Variants in EMB observed in about 807,000 individuals in gnomAD.
EMB encodes the protein embigin homolog.
EMB carries 31 observed loss-of-function variants against 41.4 expected under a neutral mutation model. The observed-to-expected ratio is 0.75, with a 90% CI of 0.56 to 1.01. The LOEUF (loss-of-function observed/expected upper bound fraction) is 1.01, where lower values mean the gene tolerates loss of function less well. Among genes scored for constraint, EMB ranks in the 50% least tolerant of loss-of-function variants. The pLI is 0.00. For missense variants in EMB, 379 were observed against 388.3 expected, an observed-to-expected ratio of 0.98 and a Z score of 0.20; for synonymous variants, 137 against 140.4, an observed-to-expected ratio of 0.98 and a Z score of 0.17.
intron 1 of EMB, among the ~76,000 whole-genome samples, chr5:50,434,764 A>G (rs1431325982): frequency 2.6e-5 from 4 of 152,244 alleles, no homozygotes; most frequent in Non-Finnish European, 4.4e-5. Context: ...TTTAAAGGTA[A>G]CATTCATAAT....
intron 2 of EMB, among the ~76,000 whole-genome samples, chr5:50,416,986 C>T (rs1204623032): frequency 6.6e-6 from 1 of 152,166 alleles, no homozygotes; most frequent in East Asian, 1.9e-4. Flanking sequence ...AGCTGCTACT[C>T]TTGACACACT....
chr5:50,425,202 T>C (rs1745590134), intron 2 of EMB, among the ~76,000 whole-genome samples: 2 of 152,182 alleles, frequency 1.3e-5, no homozygotes, highest in African/African-American at 4.8e-5. Flanking sequence ...ATTTAGACAA[T>C]GTGGTTGTTT....
chr5:50,441,076 C>T lies in EMB; in HGVS notation c.76G>A (p.Ala26Thr). The change falls in exon 1 of 9, where the codon GCC becomes ACC. Residue 26 changes from alanine to threonine, a missense_variant. By Grantham distance (58) the Ala-to-Thr change is moderately conservative (BLOSUM62 0). Transcript: ENST00000303221. ...CCGTCCGCCGAGCTTGGGCGCGCGG[C>T]AGCGAGAAGGCACTGGAGGAGGAGC... ...RLLLLQCLLA[A>T]ARPSSADGSA... The T allele has an allele frequency of 6.6e-7, 1 of 1,513,926 alleles. No individual in the cohort carries two copies. Among genetic ancestry groups the T allele is most frequent in the Non-Finnish European group, 8.8e-7 (1 of 1,132,722 alleles). The allele number at this position is 1,513,926 out of a possible 1,614,324, so 93.8% of individuals were successfully genotyped here.
intron 1 of EMB, 29 bp from the exon 2 acceptor site, chr5:50,428,256 ACT>A: frequency 6.6e-7 from 1 of 1,504,442 alleles, no homozygotes; most frequent in Non-Finnish European, 9.2e-7. Context: ...ATGATTACAC[ACT>A]CTTATCAAGA....
chr5:50,402,317 C>T lies in EMB; in HGVS notation c.880G>A (p.Glu294Lys), dbSNP rs1745175720. The T allele has an allele frequency of 1.9e-6, 3 of 1,609,806 alleles. No individual in the cohort carries two copies. The highest frequency in any genetic ancestry group is 2.5e-6 in the Non-Finnish European group (3 of 1,177,134). ...YTQKKKKHSD[E>K]GKEFEQIEQL... is the part of the protein sequence containing the mutation. Reference sequence around the variant, plus strand: ...TCAATCTGCTCAAATTCTTTCCCCTCATCTGTGTAACAAAAGAAGAATTTG... The same window carrying T: ...TCAATCTGCTCAAATTCTTTCCCCTTATCTGTGTAACAAAAGAAGAATTTG... The change falls in exon 7 of 9, where the codon GAG (glutamate) becomes AAG (lysine). Residue 294 changes from glutamate (E) to lysine (K), a missense_variant and splice_region_variant. Transcript: ENST00000303221.
chr5:50,443,138 A>C (rs188339746), upstream of EMB: 16 of 152,294 alleles, frequency 1.1e-4, no homozygotes, highest in Non-Finnish European at 1.9e-4. Context: ...TATCCTTTAA[A>C]ACAAGCTTAT....
rs1322693402 is a variant in EMB, at chr5:50,421,337, A to G, written c.196+6807T>C. Reference sequence around the variant, plus strand: ...CATCAGAGAAATGCAAATCAAAACCACAATGAGATACCATCTCATACCAGT... The same window carrying G: ...CATCAGAGAAATGCAAATCAAAACCGCAATGAGATACCATCTCATACCAGT... On this transcript the variant is annotated intron_variant, in intron 2 of 8. Transcript: ENST00000303221. 2.0e-5 allele frequency among the ~76,000 whole-genome samples: 3 copies of G among 152,316 alleles called. No homozygotes were observed. The East Asian group carries it at 5.8e-4, about 29-fold the overall frequency.
At position 50,402,279 on chromosome 5, in the gene EMB, T is replaced by C. The variant is rs1561130200; in HGVS notation, c.911+7A>G. 1.9e-6 allele frequency: 3 copies of C among 1,607,776 alleles called. No individual in the cohort carries two copies. The highest frequency in any genetic ancestry group is 3.4e-5 in the Admixed American group (2 of 59,682). On this transcript the variant is annotated splice_region_variant and intron_variant, in intron 7 of 8. Coordinates refer to ENST00000303221, the MANE Select transcript of EMB (RefSeq NM_198449.3). ...GTGAAAATTAATCTGTAAAAAATAA[T>C]ACTTACAGCTGTTCAATCTGCTCAA...
Position 50,403,294 on chromosome 5 carries a change from A to T in EMB, c.761T>A (p.Val254Glu), listed in dbSNP as rs1442244359. The change falls in exon 6 of 9, where the codon GTG becomes GAG. Residue 254 changes from valine (V) to glutamate (E), a missense_variant. Val to Glu is a moderately radical substitution (Grantham distance 121). Transcript: ENST00000303221. ...GESEEHIELV[V>E]LSYLVPLKPF... ...TTTGAGGGGCACCAAATAGCTCAGC[A>T]CCACAAGCTCAATGTGTTCTTCACT... The T allele has an allele frequency of 8.7e-6, 14 of 1,612,722 alleles. No homozygotes were observed. Among genetic ancestry groups the T allele is most frequent in the Non-Finnish European group, 1.1e-5 (13 of 1,179,270 alleles).
In EMB at chr5:50,441,217, A is replaced by G. The variant is rs569637305; in HGVS notation, c.-66T>C. 74 of 1,038,326 alleles carry G rather than the reference A, an allele frequency of 7.1e-5. No homozygotes were observed. The highest frequency in any genetic ancestry group is 9.0e-5 in the Non-Finnish European group (70 of 779,692). 64.3% of individuals were successfully genotyped at this position (1,038,326 alleles called of 1,614,324 possible). On this transcript the variant is annotated 5_prime_UTR_variant, in exon 1 of 9. Coordinates refer to ENST00000303221, the MANE Select transcript of EMB (RefSeq NM_198449.3). ...CCTCAGCTCGCCGCCGCGGGTGTCC[A>G]GAGTCCCTGCGCACACTCGCAGGTG...
intron 4 of EMB, among the ~76,000 whole-genome samples, chr5:50,410,136 A>G (rs34044167): frequency 0.51 from 77,120 of 151,834 alleles, 20,551 homozygotes; most frequent in African/African-American, 0.67. Context: ...TGGGGAATTA[A>G]TGCAAAGCAG....
Position 50,441,160 on chromosome 5 carries a change from A to G in EMB, c.-9T>C. ...CCGGGGAGGGCGCGCATGGCGCCAG[A>G]GGGTCCGCCTGGGTCCTCGTGGAGA... On this transcript the variant is annotated 5_prime_UTR_variant, in exon 1 of 9. Transcript: ENST00000303221. 1 of 1,481,260 alleles carries G rather than the reference A, an allele frequency of 6.8e-7. No individual in the cohort carries two copies. Among genetic ancestry groups the G allele is most frequent in the Non-Finnish European group, 9.0e-7 (1 of 1,116,520 alleles). The allele number at this position is 1,481,260 out of a possible 1,614,324, so 91.8% of individuals were successfully genotyped here.
intron 2 of EMB, among the ~76,000 whole-genome samples, chr5:50,421,525 C>T: frequency 6.6e-6 from 1 of 152,034 alleles, no homozygotes; most frequent in African/African-American, 2.4e-5. Flanking sequence ...TACCATTTGA[C>T]CCAGCCATCC....
intron 2 of EMB, among the ~76,000 whole-genome samples, chr5:50,412,985 C>T (rs1262829784): frequency 8.0e-5 from 12 of 150,078 alleles, no homozygotes; most frequent in Non-Finnish European, 7.4e-5. Flanking sequence ...AGAGCCTCTA[C>T]TTGTCTTTTC....
chr5:50,437,909 A>G (rs1040388200), intron 1 of EMB, among the ~76,000 whole-genome samples: 2 of 152,226 alleles, frequency 1.3e-5, no homozygotes, highest in Non-Finnish European at 2.9e-5. Flanking sequence ...TAATAATGAT[A>G]TTTAAATACT....
chr5:50,425,518 T>C (rs1198995231), intron 2 of EMB, among the ~76,000 whole-genome samples: 2 of 152,172 alleles, frequency 1.3e-5, no homozygotes, highest in East Asian at 1.9e-4. Flanking sequence ...AAAAAATATA[T>C]TGTGGTAATA....
At chr5:50,420,166 T>G (rs912032125) in intron 2 of EMB, among the ~76,000 whole-genome samples, 2 of 152,120 alleles carry the variant, frequency 1.3e-5, no homozygotes, top group African/African-American at 4.8e-5. Flanking sequence ...ATCCGGCACA[T>G]GTACCCCAGA....
chr5:50,434,029 A>G (rs1025605321), intron 1 of EMB, among the ~76,000 whole-genome samples: 3 of 152,146 alleles, frequency 2.0e-5, no homozygotes, highest in Non-Finnish European at 4.4e-5. Context: ...AAGACCAGTC[A>G]TTAGGTTTAG....
At position 50,412,917 on chromosome 5, in the gene EMB, T is replaced by C. The variant is rs1439171742; in HGVS notation, c.197-1534A>G. On this transcript the variant is annotated intron_variant, in intron 2 of 8. Transcript: ENST00000303221. Reference sequence around the variant, plus strand: ...TTTTTACACCAGTATCCCAGAAATCTGGGATTTCTGGGATACTGGTGTAAA... The same window carrying C: ...TTTTTACACCAGTATCCCAGAAATCCGGGATTTCTGGGATACTGGTGTAAA... Among the ~76,000 whole-genome samples, 9 of 125,232 alleles carry C rather than the reference T, an allele frequency of 7.2e-5. No homozygotes were observed. In the East Asian group the frequency reaches 1.5e-3, roughly 21 times the overall value. The allele number at this position is 125,232 out of a possible 152,430, so 82.2% of individuals were successfully genotyped here. A position where few individuals can be genotyped will look rare whatever the true frequency, so the allele number is the denominator to read the frequency against.
Sources: gnomAD v4.1 joint callset for allele counts (sites outside exome capture counted in the v4.1 genomes callset) on GRCh38, gnomAD v4.1.1 for gene constraint, MANE v1.5 for transcripts, NCBI Gene and HGNC (gene_info 2026-07-23, HGNC 2026-07-21) for gene names.